The following FBXO42 variants were observed in gnomAD, a reference collection of about 807,000 sequenced individuals.
FBXO42 encodes F-box only protein 42.
In FBXO42, 12 loss-of-function variants were observed where a neutral mutation model predicts 71.7. The ratio of observed to expected loss-of-function variants is 0.17; its 90% CI spans 0.11 to 0.27. The LOEUF is 0.27. Among genes scored for constraint, FBXO42 ranks in the 10% least tolerant of loss-of-function variants. The pLI is 1.00. For missense variants in FBXO42, 707 were observed against 911.9 expected (o/e 0.78, Z 2.89); for synonymous variants, 325 against 327.5 (o/e 0.99, Z 0.08).
At chr1:16,282,950 C>T (rs1044867537) in intron 4 of FBXO42, among the ~76,000 whole-genome samples, 4 of 149,924 alleles carry the variant, frequency 2.7e-5, no homozygotes, top group African/African-American at 9.8e-5. Context: ...CACTGCAGGC[C>T]AGCCTGGGTG....
intron 7 of FBXO42, 29 bp from the exon 8 acceptor site, chr1:16,253,181 C>A (rs1317400746): frequency 1.2e-6 from 2 of 1,602,256 alleles, no homozygotes; most frequent in South Asian, 2.2e-5. Context: ...TGAAAATAAA[C>A]CTACAAAGAC....
intron 4 of FBXO42, among the ~76,000 whole-genome samples, chr1:16,260,993 C>T (rs1407272180): frequency 2.6e-5 from 4 of 152,178 alleles, no homozygotes; most frequent in African/African-American, 9.7e-5. Flanking sequence ...AGGCATGAGC[C>T]ACCTCACCTT....
At chr1:16,273,812 G>C (rs950115141) in intron 4 of FBXO42, among the ~76,000 whole-genome samples, 1 of 152,040 alleles carries the variant, frequency 6.6e-6, no homozygotes, top group African/African-American at 2.4e-5. Flanking sequence ...CCAAGAGGTA[G>C]AGGCTGCAGT....
Position 16,327,432 on chromosome 1 carries a change from A to C in FBXO42, c.-17-11997T>G, listed in dbSNP as rs2082460782. ...TATGTAAATGTGCAATACTGTCAGA[A>C]GCCTAGCTGAAAAACCAAAAAGTAA... On this transcript the variant is annotated intron_variant, in intron 1 of 9. Transcript: ENST00000375592. Among the ~76,000 whole-genome samples the C allele has an allele frequency of 1.3e-5, 2 of 152,232 alleles. 1 individual carries two copies. Among genetic ancestry groups the C allele is most frequent in the South Asian group, 4.1e-4 (2 of 4,834 alleles).
intron 1 of FBXO42, among the ~76,000 whole-genome samples, chr1:16,322,261 G>C (rs1350809923): frequency 3.3e-5 from 5 of 151,788 alleles, no homozygotes; most frequent in Non-Finnish European, 7.4e-5. Context: ...ATTTGGCCCA[G>C]TAGTATCTTT....
chr1:16,352,236 G>A lies in FBXO42; in HGVS notation c.-18+19C>T, dbSNP rs561026241. ...GCGCCGGCTCCCCTCTGCGGCCCGG[G>A]GAGGAGGAGAGGCCTCACCTGGCCC... On this transcript the variant is annotated intron_variant, in intron 1 of 9. Coordinates refer to ENST00000375592, the MANE Select transcript of FBXO42 (RefSeq NM_018994.3). 1,408 of 394,496 alleles carry A rather than the reference G, an allele frequency of 3.6e-3. 1 individual carries two copies. Among genetic ancestry groups the A allele is most frequent in the Middle Eastern group, 0.011 (18 of 1,568 alleles). The allele number at this position is 394,496 out of a possible 1,614,324, so 24.4% of individuals were successfully genotyped here.
intron 1 of FBXO42, among the ~76,000 whole-genome samples, chr1:16,328,207 G>T (rs958889361): frequency 1.3e-5 from 2 of 152,164 alleles, no homozygotes; most frequent in Middle Eastern, 3.4e-3. Context: ...AGGAGGCTGG[G>T]GGATCCTAGA....
intron 5 of FBXO42, among the ~76,000 whole-genome samples, chr1:16,256,159 C>T (rs1408700062): frequency 1.3e-5 from 2 of 152,166 alleles, no homozygotes; most frequent in African/African-American, 2.4e-5. Flanking sequence ...AGCTAACAAG[C>T]GCCACGTACT....
At chr1:16,317,820 T>C (rs67426335) in intron 1 of FBXO42, among the ~76,000 whole-genome samples, 41,345 of 150,796 alleles carry the variant, frequency 0.27, 6,528 homozygotes, top group Non-Finnish European at 0.37. Flanking sequence ...CCCAGGAGGC[T>C]GAGCAGGAGG....
At chr1:16,282,217 T>A (rs1011946631) in intron 4 of FBXO42, among the ~76,000 whole-genome samples, 1 of 126,186 alleles carries the variant, frequency 7.9e-6, no homozygotes, top group Non-Finnish European at 1.7e-5. Flanking sequence ...ACTGAGACAT[T>A]TTCTTTTTTT....
chr1:16,346,924 T>A (rs2082658900), intron 1 of FBXO42, among the ~76,000 whole-genome samples: 1 of 151,028 alleles, frequency 6.6e-6, no homozygotes, highest in Non-Finnish European at 1.5e-5. Flanking sequence ...GTATTTTTAG[T>A]AGTAGAGATG....
Position 16,332,384 on chromosome 1 carries a change from C to CA in FBXO42, c.-17-16950dup, listed in dbSNP as rs147075657. 1.1e-3 allele frequency among the ~76,000 whole-genome samples: 174 copies of CA among 151,450 alleles called. 2 individuals carry two copies. The East Asian group carries it at 0.031, about 27-fold the overall frequency. On this transcript the variant is annotated intron_variant, in intron 1 of 9. Coordinates refer to ENST00000375592, the MANE Select transcript of FBXO42 (RefSeq NM_018994.3). ...AAGATTAAATATATCTATTATTCTC[C>CA]AAAAAAAATGCTTATGGAATTGATT...
In FBXO42 at chr1:16,328,180, A is replaced by T. The variant is rs936720722; in HGVS notation, c.-17-12745T>A. Among the ~76,000 whole-genome samples the T allele has an allele frequency of 7.9e-5, 12 of 152,274 alleles. No homozygotes were observed. In the East Asian group the frequency reaches 1.3e-3, roughly 17 times the overall value. On this transcript the variant is annotated intron_variant, in intron 1 of 9. Coordinates refer to ENST00000375592, the MANE Select transcript of FBXO42 (RefSeq NM_018994.3). The stretch of plus-strand genomic sequence containing the variant: ...GAAATTTAATACATGTAAATTTTTA[A>T]AAAAAACCACTTACTCAGGAGGCTG...
intron 1 of FBXO42, among the ~76,000 whole-genome samples, chr1:16,335,536 G>A (rs2082544833): frequency 6.6e-6 from 1 of 151,958 alleles, no homozygotes; most frequent in African/African-American, 2.4e-5. Flanking sequence ...TTATTTCGCT[G>A]TAGTATTAAA....
In FBXO42 at chr1:16,251,060, A is replaced by T; in HGVS notation, c.1764T>A (p.Pro588=). ...SPPLGSSPGS[P]GSQSLSSGET... ...CTCCACTGCTCAAACTCTGGCTCCC[A>T]GGAGAGCCTGGAGAAGACCCAAGAG... The change falls in exon 10 of 10, where the codon CCT becomes CCA. Residue 588 remains proline, a synonymous_variant. Coordinates refer to ENST00000375592, the MANE Select transcript of FBXO42 (RefSeq NM_018994.3). The surrounding 1 kb of genome is among the most constrained non-coding windows in gnomAD (Gnocchi z 4.5). 1.2e-6 allele frequency: 2 copies of T among 1,614,222 alleles called. No individual in the cohort carries two copies. Among genetic ancestry groups the T allele is most frequent in the Non-Finnish European group, 1.7e-6 (2 of 1,180,040 alleles).
At chr1:16,340,049 C>T (rs80229801) in intron 1 of FBXO42, among the ~76,000 whole-genome samples, 3,989 of 152,012 alleles carry the variant, frequency 0.026, 178 homozygotes, top group African/African-American at 0.089. Context: ...TGGTGGCAGG[C>T]GCCTATAGTC....
intron 4 of FBXO42, among the ~76,000 whole-genome samples, chr1:16,271,080 C>T (rs910585817): frequency 3.9e-5 from 6 of 151,984 alleles, no homozygotes; most frequent in African/African-American, 1.2e-4. Flanking sequence ...CAAGGACATG[C>T]AGGAAGAGTG....
chr1:16,275,285 A>G lies in FBXO42; in HGVS notation c.503-18526T>C, dbSNP rs549877328. On this transcript the variant is annotated intron_variant, in intron 4 of 9. Transcript: ENST00000375592. ...TAGAGAGAACTACAGAAAAGAGGAA[A>G]TTATCAGGGGCACAATTTATTTGAA... Among the ~76,000 whole-genome samples the G allele has an allele frequency of 2.6e-4, 40 of 152,322 alleles. No individual in the cohort carries two copies. The South Asian group carries it at 7.5e-3, about 28-fold the overall frequency.
At chr1:16,327,408 A>C (rs2082460591) in intron 1 of FBXO42, among the ~76,000 whole-genome samples, 1 of 152,200 alleles carries the variant, frequency 6.6e-6, no homozygotes, top group African/African-American at 2.4e-5. Context: ...TTACACTTTT[A>C]TGTAAATGTG....
Sources: allele counts gnomAD v4.1 joint callset (sites outside exome capture counted in the v4.1 genomes callset), GRCh38; gene constraint gnomAD v4.1.1; non-coding constraint Gnocchi (gnomAD v3.1); transcripts MANE v1.5; gene names NCBI Gene and HGNC (gene_info 2026-07-23, HGNC 2026-07-21).